Variants in WDR41 observed in about 807,000 individuals in gnomAD.
The protein encoded by WDR41 is WD repeat domain 41, also known as WD repeat-containing protein 41.
Under a neutral mutation model 69.3 loss-of-function variants are expected in WDR41, and 63 were observed. The ratio of observed to expected loss-of-function variants is 0.91; its 90% CI spans 0.74 to 1.12. WDR41 has a LOEUF of 1.12. Among genes scored for constraint, WDR41 ranks in the 50% most tolerant of loss-of-function variants. The pLI is 0.00. For missense variants in WDR41, 543 were observed against 534.5 expected, an observed-to-expected ratio of 1.02 and a Z score of -0.16; for synonymous variants, 185 against 192.1, an observed-to-expected ratio of 0.96 and a Z score of 0.31.
At chr5:77,436,508 A>G (rs1337082221) in intron 11 of WDR41, 114 bp from the exon 12 acceptor site, 4 of 1,284,566 alleles carry the variant, frequency 3.1e-6, no homozygotes, top group Non-Finnish European at 4.3e-6. Flanking sequence ...TCAAGGGCTA[A>G]GTGGACAGTA....
At chr5:77,616,019 T>TA (rs1744675504) in intron 1 of WDR41, among the ~76,000 whole-genome samples, 1 of 151,014 alleles carries the variant, frequency 6.6e-6, no homozygotes, top group Non-Finnish European at 1.5e-5. Context: ...ATAAATAAAT[T>TA]AATTAATTAA....
chr5:77,560,611 TAAATTGGCAAAAAGAAAAA>T (rs1743505755), intron 1 of WDR41, among the ~76,000 whole-genome samples: 1 of 152,104 alleles, frequency 6.6e-6, no homozygotes, highest in Non-Finnish European at 1.5e-5. Context: ...AAAAACTTTG[TAAATTGGCAAAAAGAAAAA>T]AAAAGTCCTT....
chr5:77,451,233 C>T, intron 7 of WDR41, 58 bp downstream of exon 7: 1 of 1,527,716 alleles, frequency 6.5e-7, no homozygotes. Flanking sequence ...TTAGTCCTTC[C>T]AGCATGTGTA....
chr5:77,470,302 C>T (rs1307866300), intron 2 of WDR41, among the ~76,000 whole-genome samples: 9 of 152,060 alleles, frequency 5.9e-5, no homozygotes, highest in African/African-American at 1.4e-4. Flanking sequence ...AAGGAACAAC[C>T]GATACCAGCC....
chr5:77,599,931 G>GA (rs1744293227), intron 1 of WDR41, among the ~76,000 whole-genome samples: 1 of 152,188 alleles, frequency 6.6e-6, no homozygotes, highest in Non-Finnish European at 1.5e-5. Flanking sequence ...AGATAACATA[G>GA]AAAAGAGCAA....
At chr5:77,433,413 C>A in intron 12 of WDR41, 126 bp from the exon 13 acceptor site, 1 of 687,742 alleles carries the variant, frequency 1.5e-6, no homozygotes, top group Non-Finnish European at 2.2e-6. Flanking sequence ...TGTAGAACTT[C>A]ATTTCATTTT....
chr5:77,606,392 G>GA (rs2112331913), intron 1 of WDR41, among the ~76,000 whole-genome samples: 1 of 152,292 alleles, frequency 6.6e-6, no homozygotes, highest in Non-Finnish European at 1.5e-5. Context: ...AGAAAGTTGG[G>GA]AAAATAGAGT....
At chr5:77,580,752 A>G (rs1026200051) in intron 1 of WDR41, among the ~76,000 whole-genome samples, 4 of 152,056 alleles carry the variant, frequency 2.6e-5, no homozygotes, top group East Asian at 1.9e-4. Context: ...TCAGGAGATC[A>G]AGACCATCCT....
At chr5:77,588,842 C>T (rs1236546257) in intron 1 of WDR41, among the ~76,000 whole-genome samples, 2 of 152,108 alleles carry the variant, frequency 1.3e-5, no homozygotes, top group Non-Finnish European at 2.9e-5. Context: ...ATAAGCTCAT[C>T]GCTAACAGCA....
At chr5:77,466,870 C>T (rs1281946663) in intron 2 of WDR41, among the ~76,000 whole-genome samples, 1 of 149,644 alleles carries the variant, frequency 6.7e-6, no homozygotes, top group South Asian at 2.1e-4. Context: ...AAACATTAAG[C>T]TTTAAAATAC....
chr5:77,521,800 A>G (rs1027068538), intron 1 of WDR41, among the ~76,000 whole-genome samples: 1 of 152,220 alleles, frequency 6.6e-6, no homozygotes, highest in African/African-American at 2.4e-5. Context: ...TGCCCCCAGA[A>G]GGGTATATTA....
At chr5:77,588,552 G>A (rs984997739) in intron 1 of WDR41, among the ~76,000 whole-genome samples, 3 of 151,978 alleles carry the variant, frequency 2.0e-5, no homozygotes, top group Non-Finnish European at 4.4e-5. Context: ...CACTTCCAAG[G>A]CAACTTTGAA....
At chr5:77,501,876 C>A (rs1802022528) in intron 1 of WDR41, among the ~76,000 whole-genome samples, 1 of 152,114 alleles carries the variant, frequency 6.6e-6, no homozygotes, top group African/African-American at 2.4e-5. Flanking sequence ...GGTAGGTCAC[C>A]AACATCAAAG....
chr5:77,469,049 T>C (rs1346692855), intron 2 of WDR41, among the ~76,000 whole-genome samples: 2 of 152,314 alleles, frequency 1.3e-5, no homozygotes, highest in Admixed American at 6.5e-5. Flanking sequence ...CACCATGGAA[T>C]ACTATGCAGC....
intron 1 of WDR41, among the ~76,000 whole-genome samples, chr5:77,557,547 A>C (rs1000741649): frequency 3.3e-5 from 5 of 152,214 alleles, no homozygotes; most frequent in Non-Finnish European, 7.3e-5. Flanking sequence ...AAAATTAAAA[A>C]TTCTGACAAT....
At chr5:77,531,858 C>T (rs774036219) in intron 1 of WDR41, among the ~76,000 whole-genome samples, 1 of 151,796 alleles carries the variant, frequency 6.6e-6, no homozygotes. Flanking sequence ...CACAAAAGGT[C>T]GCATATTATA....
At chr5:77,452,005 A>G (rs954063715) in intron 6 of WDR41, 1 of 127,798 alleles carries the variant, frequency 7.8e-6, no homozygotes, top group Admixed American at 8.6e-5. Context: ...AATTAGAACC[A>G]CCACGTGTTG....
intron 8 of WDR41, among the ~76,000 whole-genome samples, chr5:77,445,660 C>T (rs1382035920): frequency 6.6e-6 from 1 of 152,152 alleles, no homozygotes; most frequent in African/African-American, 2.4e-5. Flanking sequence ...ACAAACAGAA[C>T]CAATGACAAA....
At chr5:77,503,715 A>G (rs1403159990) in intron 1 of WDR41, among the ~76,000 whole-genome samples, 1 of 152,232 alleles carries the variant, frequency 6.6e-6, no homozygotes, top group Admixed American at 6.5e-5. Flanking sequence ...ACTCAGGATT[A>G]AGAAACTCAC....
Sources: allele counts gnomAD v4.1 joint callset (sites outside exome capture counted in the v4.1 genomes callset), GRCh38; gene constraint gnomAD v4.1.1; transcripts MANE v1.5; gene names NCBI Gene and HGNC (gene_info 2026-07-23, HGNC 2026-07-21).